The following NRXN3 variants were observed in gnomAD, a reference collection of about 807,000 sequenced individuals.
The protein encoded by NRXN3 is neurexin 3, also known as neurexin III.
NRXN3 carries 32 observed loss-of-function variants against 137.6 expected under a neutral mutation model. The observed-to-expected ratio is 0.23, with a 90% CI of 0.18 to 0.31. The LOEUF is 0.31. Among genes scored for constraint, NRXN3 ranks in the 10% least tolerant of loss-of-function variants. The pLI is 1.00. For missense variants in NRXN3, 1,574 were observed against 2,062.5 expected (o/e 0.76, Z 4.59); for synonymous variants, 798 against 784.5 (o/e 1.02, Z -0.29).
At chr14:78,723,265 A>G (rs118126833) in intron 8 of NRXN3, among the ~76,000 whole-genome samples, 1,669 of 152,336 alleles carry the variant, frequency 0.011, 13 homozygotes, top group East Asian at 0.02. Flanking sequence ...ATTGGTATTA[A>G]TTCAGGAATG....
chr14:79,189,062 A>T (rs947474842), intron 15 of NRXN3, among the ~76,000 whole-genome samples: 11 of 151,978 alleles, frequency 7.2e-5, no homozygotes, highest in Admixed American at 6.5e-4. Flanking sequence ...ACTATAAATC[A>T]CGCTGCTATA....
chr14:78,265,825 C>T (rs2071601646), intron 2 of NRXN3, among the ~76,000 whole-genome samples: 1 of 152,160 alleles, frequency 6.6e-6, no homozygotes, highest in Non-Finnish European at 1.5e-5. Flanking sequence ...GTGTCCTGGA[C>T]AACTCTACAG....
rs2099415115 is a variant in NRXN3, at chr14:79,862,444, G to GA, written c.*486dup. 1 of 136,790 alleles carries GA rather than the reference G, an allele frequency of 7.3e-6. No individual in the cohort carries two copies. The highest frequency in any genetic ancestry group is 7.3e-5 in the Admixed American group (1 of 13,776). The allele number at this position is 136,790 out of a possible 1,614,324, so 8.5% of individuals were successfully genotyped here. A position where few individuals can be genotyped will look rare whatever the true frequency, so the allele number is the denominator to read the frequency against. ...AAACAAAACTACAACAACAAAAAAA[G>GA]AAAAAAGTTAAAAAAGAAAAAAACA... On this transcript the variant is annotated 3_prime_UTR_variant, in exon 21 of 21. Coordinates refer to ENST00000335750, the MANE Select transcript of NRXN3 (RefSeq NM_001330195.2).
At chr14:78,577,498 T>A (rs113579588) in intron 4 of NRXN3, among the ~76,000 whole-genome samples, 4,233 of 152,222 alleles carry the variant, frequency 0.028, 66 homozygotes, top group African/African-American at 0.031. Context: ...GGAGTTTTGC[T>A]CTTGTTGCCC....
chr14:79,386,956 A>G (rs1420546347), intron 15 of NRXN3, among the ~76,000 whole-genome samples: 1 of 152,230 alleles, frequency 6.6e-6, no homozygotes, highest in Admixed American at 6.5e-5. Flanking sequence ...TTAATTCAAG[A>G]TGGATTAAAG....
At chr14:79,052,949 C>T (rs775325172) in intron 15 of NRXN3, among the ~76,000 whole-genome samples, 4 of 152,190 alleles carry the variant, frequency 2.6e-5, no homozygotes, top group Non-Finnish European at 4.4e-5. Flanking sequence ...TAGTGAAAGA[C>T]AGCAGGGAGA....
At chr14:78,535,993 C>A (rs116433631) in intron 4 of NRXN3, among the ~76,000 whole-genome samples, 1 of 152,024 alleles carries the variant, frequency 6.6e-6, no homozygotes, top group East Asian at 1.9e-4. Flanking sequence ...TTCTGCTCAA[C>A]GTTCTCATCA....
chr14:79,020,895 A>C (rs973033157), intron 15 of NRXN3, among the ~76,000 whole-genome samples: 2 of 149,988 alleles, frequency 1.3e-5, no homozygotes, highest in African/African-American at 4.9e-5. Flanking sequence ...ACACACACAC[A>C]CCACTCTACA....
Position 79,440,747 on chromosome 14 carries a change from A to T in NRXN3, c.3263-26474A>T, listed in dbSNP as rs183480359. ...AAAACGACCACACTTTCAAAAAAAA[A>T]TTTTTTTTAATTCTAGAGACCAGCA... On this transcript the variant is annotated intron_variant, in intron 15 of 20. Transcript: ENST00000335750. 2.3e-3 allele frequency among the ~76,000 whole-genome samples: 349 copies of T among 152,198 alleles called. 1 individual carries two copies. The highest frequency in any genetic ancestry group is 0.021 in the Middle Eastern group (6 of 292).
intron 20 of NRXN3, among the ~76,000 whole-genome samples, chr14:79,849,046 C>A (rs2099386345): frequency 6.6e-6 from 1 of 152,150 alleles, no homozygotes; most frequent in African/African-American, 2.4e-5. Context: ...TGTCCCAACT[C>A]TCTTCCCCAC....
intron 15 of NRXN3, among the ~76,000 whole-genome samples, chr14:79,343,886 G>T (rs564803329): frequency 1.7e-4 from 26 of 152,148 alleles, no homozygotes; most frequent in South Asian, 6.2e-4. Flanking sequence ...CAATCCTCCT[G>T]CCTCGGCCTC....
At chr14:79,183,151 C>T (rs1160267681) in intron 15 of NRXN3, among the ~76,000 whole-genome samples, 1 of 152,032 alleles carries the variant, frequency 6.6e-6, no homozygotes, top group East Asian at 1.9e-4. Flanking sequence ...AATTCTAAAC[C>T]TTTGGATTGT....
Position 79,564,463 on chromosome 14 carries a change from G to A in NRXN3, c.3444+97061G>A, listed in dbSNP as rs541627320. On this transcript the variant is annotated intron_variant, in intron 16 of 20. Coordinates refer to ENST00000335750, the MANE Select transcript of NRXN3 (RefSeq NM_001330195.2). ...AATCTATTTATGAAAAGGCCAAGATGATAATGTTAGCTAAGTGCTAAATAT... is the reference window on the plus strand; with the variant it reads ...AATCTATTTATGAAAAGGCCAAGATAATAATGTTAGCTAAGTGCTAAATAT... Among the ~76,000 whole-genome samples the A allele has an allele frequency of 6.6e-5, 10 of 152,270 alleles. No individual in the cohort carries two copies. The South Asian group carries it at 1.9e-3, about 28-fold the overall frequency.
intron 8 of NRXN3, among the ~76,000 whole-genome samples, chr14:78,762,757 A>G (rs1036320636): frequency 2.6e-5 from 4 of 152,226 alleles, no homozygotes; most frequent in Non-Finnish European, 2.9e-5. Flanking sequence ...TGCCTGGCAC[A>G]TAGTAAGTGC....
chr14:78,906,191 A>G (rs966796785), intron 10 of NRXN3, among the ~76,000 whole-genome samples: 4 of 152,088 alleles, frequency 2.6e-5, no homozygotes, highest in Non-Finnish European at 5.9e-5. Flanking sequence ...ATTATATTAT[A>G]TAATTATAAT....
chr14:78,944,428 G>A (rs960711852), intron 10 of NRXN3, among the ~76,000 whole-genome samples: 4 of 152,180 alleles, frequency 2.6e-5, no homozygotes, highest in African/African-American at 9.7e-5. Context: ...GCTAAGTATT[G>A]TTTCCTAAAA....
chr14:79,406,311 C>G (rs941109403), intron 15 of NRXN3, among the ~76,000 whole-genome samples: 6 of 149,778 alleles, frequency 4.0e-5, no homozygotes, highest in African/African-American at 1.5e-4. Context: ...CTCCTCTCCT[C>G]CTCTCTTTCT....
At chr14:79,081,824 A>C (rs1411876874) in intron 15 of NRXN3, among the ~76,000 whole-genome samples, 1 of 152,084 alleles carries the variant, frequency 6.6e-6, no homozygotes, top group East Asian at 1.9e-4. Context: ...TGTTTGTTAA[A>C]AAGCAAGATC....
intron 16 of NRXN3, among the ~76,000 whole-genome samples, chr14:79,593,983 G>A (rs2097837107): frequency 6.6e-6 from 1 of 152,056 alleles, no homozygotes; most frequent in African/African-American, 2.4e-5. Flanking sequence ...GCCCTCATAA[G>A]GTGCTATGTA....
Sources: gnomAD v4.1 joint callset for allele counts (sites outside exome capture counted in the v4.1 genomes callset) on GRCh38, gnomAD v4.1.1 for gene constraint, MANE v1.5 for transcripts, NCBI Gene and HGNC (gene_info 2026-07-23, HGNC 2026-07-21) for gene names.